Variants in MAST3 observed in about 807,000 individuals in gnomAD.
The protein encoded by MAST3 is microtubule associated serine/threonine kinase 3.
In MAST3, 43 loss-of-function variants were observed where a neutral mutation model predicts 127.0. That is an observed-to-expected ratio of 0.34 (90% CI 0.27 to 0.44). The LOEUF (loss-of-function observed/expected upper bound fraction) is 0.44. MAST3 is among the 20% of genes least tolerant of loss of function. MAST3 has a pLI of 1.00. For synonymous variants in MAST3, 785 were observed against 809.2 expected (o/e 0.97, Z 0.51); for missense variants, 1,390 against 1,919.1 (o/e 0.72, Z 5.15).
chr19:18,112,540 A>G lies in MAST3; in HGVS notation c.161+1799A>G, dbSNP rs273510. On this transcript the variant is annotated intron_variant, in intron 3 of 27. Coordinates refer to ENST00000687212, the MANE Select transcript of MAST3 (RefSeq NM_001393504.1). This position sits in a 1 kb window ranked among gnomAD's most constrained non-coding sequence, Gnocchi z 4.1. ...AGTAAAGATGGGGTTTCACCATGTT[A>G]GCTAGGCTGGTCTCGAGCTCCCGAC... Among the ~76,000 whole-genome samples the G allele has an allele frequency of 0.33, 49,426 of 152,014 alleles. 8,744 individuals carry two copies. Among genetic ancestry groups the G allele is most frequent in the African/African-American group, 0.46 (19,245 of 41,424 alleles).
At chr19:18,128,673 C>T (rs965195395) in intron 12 of MAST3, among the ~76,000 whole-genome samples, 193 bp from the exon 13 acceptor site, 2 of 152,090 alleles carry the variant, frequency 1.3e-5, no homozygotes, top group African/African-American at 2.4e-5. Context: ...TTTTGCAGGA[C>T]GTGTAAGAAT....
rs778851593 is a variant in MAST3, at chr19:18,135,822, G to A, written c.1953G>A (p.Pro651=). ...TCACCAGGTTGCTCCGGCAGAGCCC[G>A]CTGGACCGTCTGGGCACTGGTATGT... ...DLITRLLRQS[P]LDRLGTGGTH... is the part of the protein sequence containing the mutation. Residue 651 remains proline (P), a synonymous_variant, in exon 18 of 28, where the codon CCG becomes CCA. Transcript: ENST00000687212. 9.3e-6 allele frequency: 15 copies of A among 1,607,858 alleles called. No homozygotes were observed. Among genetic ancestry groups the A allele is most frequent in the Admixed American group, 8.5e-5 (5 of 59,134 alleles).
Position 18,149,744 on chromosome 19 carries a change from C to G in MAST3, c.*18C>G. ...GAGACTGATCCCCTGCCAGGTCTCTCCCTGGCATCAAAGTTACGCGTTTTC... is the reference window on the plus strand; with the variant it reads ...GAGACTGATCCCCTGCCAGGTCTCTGCCTGGCATCAAAGTTACGCGTTTTC... On this transcript the variant is annotated 3_prime_UTR_variant, in exon 28 of 28. Coordinates refer to ENST00000687212, the MANE Select transcript of MAST3 (RefSeq NM_001393504.1). This position sits in a 1 kb window ranked among gnomAD's most constrained non-coding sequence, Gnocchi z 5.9. The G allele has an allele frequency of 6.2e-7, 1 of 1,609,966 alleles. No homozygotes were observed.
At chr19:18,138,366 G>A (rs2042103733) in intron 19 of MAST3, among the ~76,000 whole-genome samples, 2 of 151,852 alleles carry the variant, frequency 1.3e-5, no homozygotes, top group African/African-American at 2.4e-5. Flanking sequence ...GCCCAGGCTG[G>A]AGTGCAGTGG....
At chr19:18,122,150 G>C in intron 5 of MAST3, 1 of 984,852 alleles carries the variant, frequency 1.0e-6, no homozygotes, top group Non-Finnish European at 1.2e-6. Context: ...AGCCCAGGGG[G>C]TGGGGGGTCA....
In MAST3 at chr19:18,123,300, C is replaced by T; in HGVS notation, c.483C>T (p.Phe161=). ...AGCTGCACTTCCTGTCCAAGCACTT[C>T]CGCAGCTCAGAGAATGTGCTTGATG... ...PDELHFLSKH[F]RSSENVLDEE... The change falls in exon 7 of 28, where the codon TTC becomes TTT. Residue 161 remains phenylalanine, a synonymous_variant. Transcript: ENST00000687212. 6.2e-7 allele frequency: 1 copy of T among 1,613,904 alleles called. No individual in the cohort carries two copies. Among genetic ancestry groups the T allele is most frequent in the Non-Finnish European group, 8.5e-7 (1 of 1,179,898 alleles).
At chr19:18,118,076 T>C in intron 3 of MAST3, 1 of 985,014 alleles carries the variant, frequency 1.0e-6, no homozygotes, top group Non-Finnish European at 1.2e-6. Flanking sequence ...CCCCTCCCTG[T>C]CCGGCTCCGC....
At position 18,149,896 on chromosome 19, in the gene MAST3, A is replaced by ACCAG; in HGVS notation, c.*170_*171insCCAG. On this transcript the variant is annotated 3_prime_UTR_variant, in exon 28 of 28. Coordinates refer to ENST00000687212, the MANE Select transcript of MAST3 (RefSeq NM_001393504.1). The surrounding 1 kb of genome is among the most constrained non-coding windows in gnomAD (Gnocchi z 5.9). Reference sequence around the variant, plus strand: ...GAGACATCGCTTGTGTTCTGGTGTCAATCGGGGCTGGATGGGGCAAGAATG... The same window carrying ACCAG: ...GAGACATCGCTTGTGTTCTGGTGTCACCAGATCGGGGCTGGATGGGGCAAGAATG... 1 of 774,794 alleles carries ACCAG rather than the reference A, an allele frequency of 1.3e-6. No homozygotes were observed. Among genetic ancestry groups the ACCAG allele is most frequent in the Non-Finnish European group, 1.7e-6 (1 of 574,274 alleles). 48.0% of individuals were successfully genotyped at this position (774,794 alleles called of 1,614,324 possible).
At chr19:18,118,879 G>A (rs893083971) in intron 3 of MAST3, among the ~76,000 whole-genome samples, 1 of 152,098 alleles carries the variant, frequency 6.6e-6, no homozygotes, top group Non-Finnish European at 1.5e-5. Flanking sequence ...TGCTGGACTG[G>A]GGCAAAGTCT....
In MAST3 at chr19:18,123,333, C is replaced by T. The variant is rs752643267; in HGVS notation, c.516C>T (p.Gly172=). 1.8e-5 allele frequency: 29 copies of T among 1,613,152 alleles called. No homozygotes were observed. The highest frequency in any genetic ancestry group is 3.3e-5 in the Admixed American group (2 of 59,984). Residue 172 remains glycine (G), a synonymous_variant, in exon 7 of 28, where the codon GGC becomes GGT. Coordinates refer to ENST00000687212, the MANE Select transcript of MAST3 (RefSeq NM_001393504.1). ...RSSENVLDEE[G]GRSPRLRPRS... is the part of the protein sequence containing the mutation. ...CAGAGAATGTGCTTGATGAGGAAGG[C>T]GGCCGGTCACCCCGCCTCCGACCCC...
At chr19:18,137,161 C>T in intron 18 of MAST3, 78 bp from the exon 19 acceptor site, 1 of 1,555,092 alleles carries the variant, frequency 6.4e-7, no homozygotes, top group Non-Finnish European at 8.7e-7. Flanking sequence ...ATGTGTCCAG[C>T]ATGGGCAGTG....
rs114009781 is a variant in MAST3, at chr19:18,112,082, C to T, written c.161+1341C>T. On this transcript the variant is annotated intron_variant, in intron 3 of 27. Coordinates refer to ENST00000687212, the MANE Select transcript of MAST3 (RefSeq NM_001393504.1). The surrounding 1 kb of genome is among the most constrained non-coding windows in gnomAD (Gnocchi z 4.1). ...GGGGAGGTGATGTTTGAGCCAAGGC[C>T]TGGGCACAGCTAAAGAAAGATTGGC... is the stretch of plus-strand genomic sequence containing the variant. Among the ~76,000 whole-genome samples, 1,159 of 152,354 alleles carry T rather than the reference C, an allele frequency of 7.6e-3. 17 individuals carry two copies. Among genetic ancestry groups the T allele is most frequent in the African/African-American group, 0.026 (1,061 of 41,574 alleles).
chr19:18,137,374 C>T lies in MAST3; in HGVS notation c.2095+13C>T. 2 of 1,610,716 alleles carry T rather than the reference C, an allele frequency of 1.2e-6. No individual in the cohort carries two copies. Among genetic ancestry groups the T allele is most frequent in the Non-Finnish European group, 1.7e-6 (2 of 1,177,992 alleles). ...AGCTACTTTGACAGTAAGGAGGGATCCCCCTGGAGGGGGGGCGGGGGGTGC... is the reference window on the plus strand; with the variant it reads ...AGCTACTTTGACAGTAAGGAGGGATTCCCCTGGAGGGGGGGCGGGGGGTGC... On this transcript the variant is annotated intron_variant, in intron 19 of 27. Coordinates refer to ENST00000687212, the MANE Select transcript of MAST3 (RefSeq NM_001393504.1).
intron 27 of MAST3, among the ~76,000 whole-genome samples, chr19:18,148,522 G>C (rs1181282001): frequency 1.3e-5 from 2 of 152,176 alleles, no homozygotes; most frequent in Non-Finnish European, 2.9e-5. Context: ...CTTTCTGGAG[G>C]AGGGGGAGTA....
intron 11 of MAST3, among the ~76,000 whole-genome samples, chr19:18,125,296 G>A (rs569715620): frequency 1.3e-5 from 2 of 152,304 alleles, no homozygotes; most frequent in South Asian, 2.1e-4. Flanking sequence ...CGTTAAGATG[G>A]TCAGGAAGCC....
chr19:18,142,931 C>G (rs1197885525), intron 21 of MAST3, among the ~76,000 whole-genome samples: 2 of 151,428 alleles, frequency 1.3e-5, no homozygotes, highest in African/African-American at 4.8e-5. Context: ...GTCAACATGG[C>G]AAAACCCCAT....
rs533571525 is a variant in MAST3 at position 18,141,597 on chromosome 19, G to A, written c.2206-285G>A. Among the ~76,000 whole-genome samples, 38 of 151,700 alleles carry A rather than the reference G, an allele frequency of 2.5e-4. No individual in the cohort carries two copies. In the East Asian group the frequency reaches 7.2e-3, roughly 29 times the overall value. On this transcript the variant is annotated intron_variant, in intron 20 of 27. Coordinates refer to ENST00000687212, the MANE Select transcript of MAST3 (RefSeq NM_001393504.1). ...CATGTTGACCAGGCTGGTCTTGAAC[G>A]CCTGACCTCAAGTGATCCGCCCACC...
At chr19:18,101,336 T>TTCCTCCTCC (rs147438175) in intron 1 of MAST3, among the ~76,000 whole-genome samples, 4 of 144,120 alleles carry the variant, frequency 2.8e-5, no homozygotes, top group East Asian at 2.1e-4. Flanking sequence ...TCCACTTATT[T>TTCCTCCTCC]TCCTCCTCCT....
At position 18,107,531 on chromosome 19, in the gene MAST3, AGGG is replaced by A. The variant is rs2038171456; in HGVS notation, c.40-54_40-52del. 8 of 1,575,942 alleles carry A rather than the reference AGGG, an allele frequency of 5.1e-6. No homozygotes were observed. The South Asian group carries it at 7.8e-5, about 15-fold the overall frequency. ...GGATTGTGGGGGTGCATCAACGGCC[AGGG>A]GTTCTGAGGGCTAGTCTCTCTGAGA... On this transcript the variant is annotated intron_variant, in intron 1 of 27. Coordinates refer to ENST00000687212, the MANE Select transcript of MAST3 (RefSeq NM_001393504.1).
Sources: allele counts gnomAD v4.1 joint callset (sites outside exome capture counted in the v4.1 genomes callset), GRCh38; gene constraint gnomAD v4.1.1; non-coding constraint Gnocchi (gnomAD v3.1); transcripts MANE v1.5; gene names NCBI Gene and HGNC (gene_info 2026-07-23, HGNC 2026-07-21).